ZNF385D: variants seen among roughly 807,000 people sequenced by gnomAD.
The protein encoded by ZNF385D is zinc finger protein 659.
In ZNF385D, 15 loss-of-function variants were observed where a neutral mutation model predicts 35.8. The ratio of observed to expected loss-of-function variants is 0.42; its 90% CI spans 0.28 to 0.64. The LOEUF is 0.64. Ranked by LOEUF, ZNF385D falls within the 30% of genes least tolerant of loss-of-function variation. The pLI is 0.23. For missense variants in ZNF385D, 474 were observed against 494.6 expected, an observed-to-expected ratio of 0.96 and a Z score of 0.39; for synonymous variants, 212 against 186.8, an observed-to-expected ratio of 1.13 and a Z score of -1.10.
chr3:21,873,766 G>C (rs1364833249), intron 3 of ZNF385D, among the ~76,000 whole-genome samples: 1 of 152,018 alleles, frequency 6.6e-6, no homozygotes, highest in Non-Finnish European at 1.5e-5. Flanking sequence ...ATTTCACTTA[G>C]CATAACGTTT....
At chr3:22,025,976 C>T (rs1007792837) in intron 3 of ZNF385D, among the ~76,000 whole-genome samples, 5 of 152,128 alleles carry the variant, frequency 3.3e-5, no homozygotes, top group East Asian at 1.9e-4. Context: ...ACCCAACCAT[C>T]AAAGGCAAGG....
At chr3:22,056,992 G>T (rs367615160) in intron 3 of ZNF385D, among the ~76,000 whole-genome samples, 16 of 152,328 alleles carry the variant, frequency 1.1e-4, no homozygotes, top group Admixed American at 5.9e-4. Context: ...GAAGGGAAGA[G>T]GTTGGAATAT....
At chr3:22,071,872 G>A (rs1387493487) in intron 3 of ZNF385D, among the ~76,000 whole-genome samples, 1 of 152,054 alleles carries the variant, frequency 6.6e-6, no homozygotes, top group Non-Finnish European at 1.5e-5. Context: ...GGCATTTGAT[G>A]ATGGCCCCAT....
chr3:22,237,046 A>G (rs941740250), intron 2 of ZNF385D, among the ~76,000 whole-genome samples: 7 of 152,192 alleles, frequency 4.6e-5, no homozygotes, highest in Admixed American at 6.5e-5. Flanking sequence ...GTACACACCT[A>G]GAACTGCTGA....
chr3:22,146,980 C>G (rs1461015689), intron 3 of ZNF385D, among the ~76,000 whole-genome samples: 1 of 152,086 alleles, frequency 6.6e-6, no homozygotes, highest in East Asian at 1.9e-4. Context: ...GTAAGCTAAT[C>G]AAACGAAACA....
chr3:21,817,528 A>G (rs2073205787), intron 3 of ZNF385D, among the ~76,000 whole-genome samples: 1 of 152,230 alleles, frequency 6.6e-6, no homozygotes, highest in African/African-American at 2.4e-5. Context: ...ATGAACAGAC[A>G]CTTCTCAAAA....
chr3:22,370,684 T>C (rs1026580541), intron 2 of ZNF385D, among the ~76,000 whole-genome samples: 15 of 152,212 alleles, frequency 9.9e-5, no homozygotes, highest in Non-Finnish European at 1.5e-5. Flanking sequence ...TGTGGGACTT[T>C]TCCCAATTTA....
chr3:22,227,265 T>C (rs1316813088), intron 2 of ZNF385D, among the ~76,000 whole-genome samples: 1 of 152,084 alleles, frequency 6.6e-6, no homozygotes, highest in Non-Finnish European at 1.5e-5. Context: ...TTTTTTATGA[T>C]GTTGGGGTGC....
rs567619752 is a variant in ZNF385D at position 21,943,353 on chromosome 3, ATAAG to A, written c.325+225460_325+225463del. 4.6e-5 allele frequency among the ~76,000 whole-genome samples: 7 copies of A among 151,724 alleles called. No homozygotes were observed. The South Asian group carries it at 8.3e-4, about 18-fold the overall frequency. ...ACATATATATAGCGAGTGAGAAAGAATAAGTAATTATTTATTTGACTTATCCTGT... is the reference window on the plus strand; with the variant it reads ...ACATATATATAGCGAGTGAGAAAGAATAATTATTTATTTGACTTATCCTGT... On this transcript the variant is annotated intron_variant, in intron 3 of 5. Transcript: ENST00000494108.
At chr3:22,212,234 C>G (rs1697572006) in intron 2 of ZNF385D, among the ~76,000 whole-genome samples, 1 of 151,972 alleles carries the variant, frequency 6.6e-6, no homozygotes, top group South Asian at 2.1e-4. Context: ...CAAACGCTGC[C>G]TCATCCCACC....
intron 6 of ZNF385D, among the ~76,000 whole-genome samples, chr3:21,424,591 G>A (rs1218158729): frequency 6.6e-6 from 1 of 150,592 alleles, no homozygotes. Context: ...GAGATTACAG[G>A]CGTGAGCCAC....
intron 2 of ZNF385D, among the ~76,000 whole-genome samples, chr3:22,267,588 C>T (rs1352679105): frequency 6.6e-6 from 1 of 151,872 alleles, no homozygotes; most frequent in Non-Finnish European, 1.5e-5. Flanking sequence ...CCCAGATGAG[C>T]AATATCGAAA....
chr3:21,950,923 G>T (rs554850597), intron 3 of ZNF385D, among the ~76,000 whole-genome samples: 2 of 151,672 alleles, frequency 1.3e-5, no homozygotes, highest in Non-Finnish European at 2.9e-5. Flanking sequence ...TTTGGTACCT[G>T]TACCATGCTG....
intron 2 of ZNF385D, among the ~76,000 whole-genome samples, chr3:21,581,385 T>C (rs1371445845): frequency 6.6e-6 from 1 of 152,188 alleles, no homozygotes; most frequent in Non-Finnish European, 1.5e-5. Flanking sequence ...CTTCAAGGCC[T>C]CATAGCACCC....
chr3:21,674,983 A>T (rs2066681143), intron 1 of ZNF385D, among the ~76,000 whole-genome samples: 1 of 152,006 alleles, frequency 6.6e-6, no homozygotes, highest in East Asian at 1.9e-4. Flanking sequence ...TGAATACATG[A>T]AGCTGAATCA....
chr3:21,620,843 A>G (rs1408497159), intron 2 of ZNF385D, among the ~76,000 whole-genome samples: 4 of 152,150 alleles, frequency 2.6e-5, no homozygotes, highest in Non-Finnish European at 5.9e-5. Context: ...CGGAGCCCCC[A>G]AAAGGGAAAG....
At chr3:22,299,891 A>G (rs1234540968) in intron 2 of ZNF385D, among the ~76,000 whole-genome samples, 1 of 151,978 alleles carries the variant, frequency 6.6e-6, no homozygotes, top group African/African-American at 2.4e-5. Flanking sequence ...CATATACCCA[A>G]AGCAATCTAC....
At chr3:22,136,528 G>A (rs954488383) in intron 3 of ZNF385D, among the ~76,000 whole-genome samples, 1 of 152,030 alleles carries the variant, frequency 6.6e-6, no homozygotes, top group African/African-American at 2.4e-5. Flanking sequence ...TCCATTTTCA[G>A]AATATATAAA....
intron 3 of ZNF385D, among the ~76,000 whole-genome samples, chr3:21,762,695 TAGAC>T (rs532096133): frequency 8.5e-5 from 13 of 152,198 alleles, no homozygotes; most frequent in African/African-American, 1.9e-4. Context: ...CTAAAAGTTA[TAGAC>T]AGACAGCCTT....
Sources: allele counts gnomAD v4.1 joint callset (sites outside exome capture counted in the v4.1 genomes callset), GRCh38; gene constraint gnomAD v4.1.1; transcripts MANE v1.5; gene names NCBI Gene and HGNC (gene_info 2026-07-23, HGNC 2026-07-21).